The following RAB38 variants were observed in gnomAD, a reference collection of about 807,000 sequenced individuals.
The protein encoded by RAB38 is ras-related protein Rab-38.
RAB38 carries 15 observed loss-of-function variants against 18.4 expected under a neutral mutation model. The observed-to-expected ratio is 0.82, with a 90% CI of 0.55 to 1.26. RAB38 has a LOEUF of 1.26. Ranked by LOEUF, RAB38 falls within the 50% of genes most tolerant of loss-of-function variation. RAB38 has a pLI of 0.00. For synonymous variants in RAB38, 101 were observed against 104.4 expected, an observed-to-expected ratio of 0.97 and a Z score of 0.20; for missense variants, 294 against 267.4, an observed-to-expected ratio of 1.10 and a Z score of -0.69.
chr11:87,815,272 T>A, the RAB38 span: 2 of 152,110 alleles, frequency 1.3e-5, no homozygotes, highest in Non-Finnish European at 2.9e-5. Flanking sequence ...AAGATGAGAA[T>A]GGGAGATCAA....
chr11:87,806,230 A>G, the RAB38 span, among the ~76,000 whole-genome samples: 62 of 152,302 alleles, frequency 4.1e-4, 1 homozygote, highest in African/African-American at 1.5e-3. Context: ...TGCTCTAAAA[A>G]ATGCCATAAA....
At position 88,171,706 on chromosome 11, in the gene RAB38, A is replaced by G. The variant is rs182349763; in HGVS notation, c.202+3477T>C. On this transcript the variant is annotated intron_variant, in intron 1 of 2. Coordinates refer to ENST00000243662, the MANE Select transcript of RAB38 (RefSeq NM_022337.3). ...AGCTACTATCCCTATAAATGTCCCAATGCCTAGATCAGAGTCCCAAAGCAC... is the reference window on the plus strand; with the variant it reads ...AGCTACTATCCCTATAAATGTCCCAGTGCCTAGATCAGAGTCCCAAAGCAC... Among the ~76,000 whole-genome samples, 799 of 152,334 alleles carry G rather than the reference A, an allele frequency of 5.2e-3. 7 individuals carry two copies. Among genetic ancestry groups the G allele is most frequent in the African/African-American group, 0.019 (772 of 41,576 alleles).
At chr11:87,938,142 A>G in the RAB38 span, among the ~76,000 whole-genome samples, 2 of 151,966 alleles carry the variant, frequency 1.3e-5, no homozygotes, top group Non-Finnish European at 2.9e-5. Context: ...CAGATTCCCC[A>G]TTTGGCCTCT....
chr11:88,060,433 A>G, the RAB38 span, among the ~76,000 whole-genome samples: 7 of 152,202 alleles, frequency 4.6e-5, no homozygotes, highest in Non-Finnish European at 8.8e-5. Flanking sequence ...TTAATTCCCA[A>G]AGTAAAAGGA....
chr11:87,969,766 A>G, the RAB38 span, among the ~76,000 whole-genome samples: 6 of 152,120 alleles, frequency 3.9e-5, no homozygotes, highest in African/African-American at 2.4e-5. Flanking sequence ...ACCCCATTCC[A>G]TTAGTTAGCA....
chr11:88,012,044 G>T, the RAB38 span, among the ~76,000 whole-genome samples: 8 of 152,192 alleles, frequency 5.3e-5, no homozygotes, highest in Non-Finnish European at 8.8e-5. Context: ...TGAGAGATGG[G>T]ACAGGAGATT....
the RAB38 span, among the ~76,000 whole-genome samples, chr11:87,853,317 A>G: frequency 6.6e-6 from 1 of 152,190 alleles, no homozygotes; most frequent in South Asian, 2.1e-4. Flanking sequence ...AGATGAGTTC[A>G]TGAGGGTGAG....
chr11:87,806,889 CTGATGGCTGGCTAGA>C, the RAB38 span, among the ~76,000 whole-genome samples: 1 of 152,162 alleles, frequency 6.6e-6, no homozygotes, highest in Non-Finnish European at 1.5e-5. Context: ...TCCATTTTCC[CTGATGGCTGGCTAGA>C]TATTTGAGAC....
At chr11:87,861,258 T>G in the RAB38 span, among the ~76,000 whole-genome samples, 17 of 152,020 alleles carry the variant, frequency 1.1e-4, no homozygotes, top group East Asian at 3.1e-3. Flanking sequence ...TCTCAGTTGG[T>G]TCAGGTTACA....
chr11:87,857,178 AC>A, the RAB38 span, among the ~76,000 whole-genome samples: 1 of 152,108 alleles, frequency 6.6e-6, no homozygotes, highest in Non-Finnish European at 1.5e-5. Flanking sequence ...CCATGTCCCT[AC>A]AAAGGACAGG....
At chr11:88,049,390 C>G in the RAB38 span, among the ~76,000 whole-genome samples, 1 of 152,078 alleles carries the variant, frequency 6.6e-6, no homozygotes, top group African/African-American at 2.4e-5. Context: ...TTTCCTGGCT[C>G]ATCCTGGCTC....
chr11:88,145,810 A>T lies in RAB38; in HGVS notation c.483+3865T>A, dbSNP rs570811676. Among the ~76,000 whole-genome samples, 6 of 152,304 alleles carry T rather than the reference A, an allele frequency of 3.9e-5. No homozygotes were observed. In the South Asian group the frequency reaches 1.2e-3, roughly 32 times the overall value. On this transcript the variant is annotated intron_variant, in intron 2 of 2. Coordinates refer to ENST00000243662, the MANE Select transcript of RAB38 (RefSeq NM_022337.3). Reference sequence around the variant, plus strand: ...ATGTAAATTTAAATTACAAATTAAAAATGAAGGTATTATTAATAATTATGC... The same window carrying T: ...ATGTAAATTTAAATTACAAATTAAATATGAAGGTATTATTAATAATTATGC...
chr11:88,086,729 T>C, the RAB38 span, among the ~76,000 whole-genome samples: 1 of 152,006 alleles, frequency 6.6e-6, no homozygotes, highest in South Asian at 2.1e-4. Flanking sequence ...AATGGATAGA[T>C]AGATAGAGGA....
chr11:87,929,014 T>C, the RAB38 span, among the ~76,000 whole-genome samples: 2 of 151,858 alleles, frequency 1.3e-5, no homozygotes, highest in African/African-American at 2.4e-5. Context: ...ACTCAAGAGA[T>C]TGAAGCATGA....
chr11:88,075,773 C>T, the RAB38 span, among the ~76,000 whole-genome samples: 2 of 151,554 alleles, frequency 1.3e-5, no homozygotes, highest in African/African-American at 4.9e-5. Context: ...ACCAGCTACT[C>T]GGGAGGCTGA....
the RAB38 span, among the ~76,000 whole-genome samples, chr11:87,977,831 A>G: frequency 9.2e-6 from 1 of 108,822 alleles, no homozygotes; most frequent in African/African-American, 3.6e-5. Context: ...ATGTTCCTAT[A>G]TAATCATGTA....
the RAB38 span, among the ~76,000 whole-genome samples, chr11:88,059,077 C>T: frequency 6.6e-6 from 1 of 152,160 alleles, no homozygotes; most frequent in East Asian, 1.9e-4. Flanking sequence ...AATTCTGTGA[C>T]CTTGGGAAAA....
At chr11:87,883,607 C>G in the RAB38 span, among the ~76,000 whole-genome samples, 2 of 151,890 alleles carry the variant, frequency 1.3e-5, no homozygotes, top group African/African-American at 4.8e-5. Flanking sequence ...AGAAGTGATT[C>G]AAGTTAAGGA....
chr11:87,900,038 A>T, the RAB38 span, among the ~76,000 whole-genome samples: 1 of 151,450 alleles, frequency 6.6e-6, no homozygotes, highest in Admixed American at 6.6e-5. Flanking sequence ...CGAGACACTG[A>T]CGGGCATGCT....
Sources: allele counts gnomAD v4.1 joint callset (sites outside exome capture counted in the v4.1 genomes callset), GRCh38; gene constraint gnomAD v4.1.1; transcripts MANE v1.5; gene names NCBI Gene and HGNC (gene_info 2026-07-23, HGNC 2026-07-21).